VWA3B: variants seen among roughly 807,000 people sequenced by gnomAD.
The protein encoded by VWA3B is von Willebrand factor A domain-containing protein 3B.
A neutral mutation model predicts 158.3 loss-of-function variants in VWA3B; 138 were observed. The ratio of observed to expected loss-of-function variants is 0.87; its 90% CI spans 0.76 to 1.00. VWA3B has a LOEUF of 1.00. Ranked by LOEUF, VWA3B falls within the 50% of genes least tolerant of loss-of-function variation. VWA3B has a pLI of 0.00. For synonymous variants in VWA3B, 596 were observed against 587.3 expected (o/e 1.01, Z -0.21); for missense variants, 1,555 against 1,565.1 (o/e 0.99, Z 0.11).
downstream of VWA3B, among the ~76,000 whole-genome samples, chr2:98,318,111 A>G (rs1691126708): frequency 6.6e-6 from 1 of 152,228 alleles, no homozygotes; most frequent in Non-Finnish European, 1.5e-5. Context: ...GAATGCTTTT[A>G]CACAGTTGGT....
intron 2 of VWA3B, among the ~76,000 whole-genome samples, chr2:98,113,921 G>C (rs1480024446): frequency 6.6e-6 from 1 of 152,152 alleles, no homozygotes; most frequent in Non-Finnish European, 1.5e-5. Flanking sequence ...TTGATAGATG[G>C]AGAGCTGATT....
chr2:98,203,818 T>C (rs1191351337), intron 12 of VWA3B, among the ~76,000 whole-genome samples: 1 of 152,232 alleles, frequency 6.6e-6, no homozygotes, highest in African/African-American at 2.4e-5. Context: ...CTTTTTGTTT[T>C]TTGTGTATGG....
rs753860779 is a variant in VWA3B at position 98,303,755 on chromosome 2, C to T, written c.3474C>T (p.Leu1158=). The change falls in exon 26 of 28, where the codon CTC becomes CTT. Residue 1158 remains leucine (L), a synonymous_variant. Coordinates refer to ENST00000477737, the MANE Select transcript of VWA3B (RefSeq NM_144992.5). Reference sequence around the variant, plus strand: ...AGATCAGCCAAAACAAGTATGCGCTCTCTTGCTCTCATATAAAGTCACCCC... The same window carrying T: ...AGATCAGCCAAAACAAGTATGCGCTTTCTTGCTCTCATATAAAGTCACCCC... ...LIKISQNKYA[L]SCSHIKSPPI... 11 of 1,614,152 alleles carry T rather than the reference C, an allele frequency of 6.8e-6. No individual in the cohort carries two copies. In the South Asian group the frequency reaches 1.1e-4, roughly 16 times the overall value.
chr2:98,198,990 G>A (rs1288894934), intron 12 of VWA3B, among the ~76,000 whole-genome samples: 1 of 152,050 alleles, frequency 6.6e-6, no homozygotes, highest in Non-Finnish European at 1.5e-5. Context: ...GGGAGGCTGA[G>A]GCAGGAGAAT....
At chr2:98,276,440 C>A (rs1460108093) in intron 22 of VWA3B, among the ~76,000 whole-genome samples, 1 of 152,180 alleles carries the variant, frequency 6.6e-6, no homozygotes, top group Non-Finnish European at 1.5e-5. Flanking sequence ...ATTTTAAATT[C>A]TTTTAGCAAA....
At position 98,291,239 on chromosome 2, in the gene VWA3B, T is replaced by A. The variant is rs932482540; in HGVS notation, c.3157+617T>A. The stretch of plus-strand genomic sequence containing the variant: ...CAGGCCTCAGGGTGGAGTGCACACG[T>A]GTGTTGGAGGAAGGGCCATGAGACT... On this transcript the variant is annotated intron_variant, in intron 23 of 27. Transcript: ENST00000477737. 9 of 152,268 alleles carry A rather than the reference T, an allele frequency of 5.9e-5. 1 individual carries two copies. Among genetic ancestry groups the A allele is most frequent in the Admixed American group, 4.6e-4 (7 of 15,250 alleles). The allele number at this position is 152,268 out of a possible 1,614,324, so 9.4% of individuals were successfully genotyped here.
intron 13 of VWA3B, among the ~76,000 whole-genome samples, chr2:98,213,904 A>C (rs1007935462): frequency 6.6e-6 from 1 of 152,160 alleles, no homozygotes; most frequent in Non-Finnish European, 1.5e-5. Context: ...AAAAGGAGAA[A>C]ATGTGGTTGG....
At chr2:98,138,942 G>A (rs1177446983) in intron 7 of VWA3B, among the ~76,000 whole-genome samples, 1 of 152,234 alleles carries the variant, frequency 6.6e-6, no homozygotes, top group Non-Finnish European at 1.5e-5. Context: ...CACTGTGGGA[G>A]CCCATTTCTG....
chr2:98,289,140 A>C (rs1403384234), intron 22 of VWA3B, among the ~76,000 whole-genome samples: 1 of 151,362 alleles, frequency 6.6e-6, no homozygotes, highest in Non-Finnish European at 1.5e-5. Context: ...GGATTTCTTT[A>C]CCTTTTCTCC....
At chr2:98,108,501 T>C (rs1673853421) in intron 2 of VWA3B, among the ~76,000 whole-genome samples, 1 of 152,196 alleles carries the variant, frequency 6.6e-6, no homozygotes. Context: ...AGTTATTCTG[T>C]TTTTTGTTGC....
At chr2:98,201,570 A>C (rs1682550577) in intron 12 of VWA3B, among the ~76,000 whole-genome samples, 1 of 152,180 alleles carries the variant, frequency 6.6e-6, no homozygotes, top group East Asian at 1.9e-4. Context: ...CTGATATTAG[A>C]GGGGAAACAT....
intron 17 of VWA3B, among the ~76,000 whole-genome samples, chr2:98,236,135 G>A (rs566056130): frequency 1.5e-4 from 23 of 152,266 alleles, no homozygotes; most frequent in African/African-American, 5.3e-4. Flanking sequence ...TGTGTTTTCT[G>A]AATGAAAGAA....
chr2:98,169,062 A>G (rs1204359681), intron 8 of VWA3B, among the ~76,000 whole-genome samples: 1 of 152,222 alleles, frequency 6.6e-6, no homozygotes, highest in Admixed American at 6.5e-5. Context: ...GCTTAAAATC[A>G]GTAATACAGA....
At chr2:98,248,871 CTTTCTTTCTT>C (rs371876276) in intron 19 of VWA3B, among the ~76,000 whole-genome samples, 4 of 61,072 alleles carry the variant, frequency 6.5e-5, no homozygotes, top group Admixed American at 3.2e-4. Context: ...TTCTTTCTTT[CTTTCTTTCTT>C]TCTCTCTTTC....
chr2:98,118,888 T>C (rs376633631), intron 3 of VWA3B, among the ~76,000 whole-genome samples: 4 of 152,246 alleles, frequency 2.6e-5, no homozygotes, highest in African/African-American at 9.6e-5. Context: ...ATGTGAAGGA[T>C]GGTTTATTTG....
intron 7 of VWA3B, among the ~76,000 whole-genome samples, chr2:98,139,984 C>A (rs936410946): frequency 6.6e-6 from 1 of 152,108 alleles, no homozygotes; most frequent in African/African-American, 2.4e-5. Context: ...CTGAAGCCAG[C>A]GAGACCACAA....
At chr2:98,303,848 T>C in intron 26 of VWA3B, 46 bp downstream of exon 26, 1 of 1,573,456 alleles carries the variant, frequency 6.4e-7, no homozygotes, top group Non-Finnish European at 8.7e-7. Flanking sequence ...TTTATATCCT[T>C]GCACCTTTAA....
At chr2:98,224,963 C>CTT (rs113719544) in intron 14 of VWA3B, among the ~76,000 whole-genome samples, 5 of 151,464 alleles carry the variant, frequency 3.3e-5, no homozygotes, top group Admixed American at 1.3e-4. Flanking sequence ...AATATTTGTT[C>CTT]TTTTTTTTTA....
intron 2 of VWA3B, among the ~76,000 whole-genome samples, chr2:98,104,067 C>G (rs1683258602): frequency 6.6e-6 from 1 of 152,158 alleles, no homozygotes. Flanking sequence ...TGTTTATAAT[C>G]TTTAATGATA....
Sources: gnomAD v4.1 joint callset for allele counts (sites outside exome capture counted in the v4.1 genomes callset) on GRCh38, gnomAD v4.1.1 for gene constraint, MANE v1.5 for transcripts, NCBI Gene and HGNC (gene_info 2026-07-23, HGNC 2026-07-21) for gene names.